Variants in CEP85L observed in about 807,000 individuals in gnomAD.
The protein encoded by CEP85L is centrosomal protein of 85 kDa-like.
CEP85L carries 60 observed loss-of-function variants against 100.3 expected under a neutral mutation model. That is an observed-to-expected ratio of 0.60 (90% CI 0.49 to 0.74). The LOEUF is 0.74. Among genes scored for constraint, CEP85L ranks in the 30% least tolerant of loss-of-function variants. The pLI, the probability that CEP85L is intolerant of heterozygous loss-of-function variation, is 0.00. For missense variants in CEP85L, 973 were observed against 936.2 expected (o/e 1.04, Z -0.51); for synonymous variants, 319 against 322.7 (o/e 0.99, Z 0.12).
chr6:118,610,183 T>C (rs903655528), intron 2 of CEP85L, among the ~76,000 whole-genome samples: 1 of 152,176 alleles, frequency 6.6e-6, no homozygotes, highest in African/African-American at 2.4e-5. Context: ...TTCAAGGTTG[T>C]ACAGATAACT....
At chr6:118,584,610 G>C (rs1780753370) in intron 2 of CEP85L, among the ~76,000 whole-genome samples, 1 of 152,192 alleles carries the variant, frequency 6.6e-6, no homozygotes, top group Admixed American at 6.5e-5. Context: ...AGAAGGGAAT[G>C]GCCCTGGGAG....
intron 4 of CEP85L, among the ~76,000 whole-genome samples, chr6:118,515,792 C>G (rs1214115618): frequency 1.3e-5 from 2 of 152,132 alleles, no homozygotes; most frequent in Non-Finnish European, 2.9e-5. Context: ...CTCTGGGGTA[C>G]ATGTGCAGAA....
chr6:118,475,855 C>T (rs1053549166), intron 10 of CEP85L, among the ~76,000 whole-genome samples: 1 of 152,050 alleles, frequency 6.6e-6, no homozygotes, highest in African/African-American at 2.4e-5. Context: ...GTCCACTGAG[C>T]GTGCTGAGGA....
Position 118,523,797 on chromosome 6 carries a change from C to A in CEP85L, c.1139+5G>T. On this transcript the variant is annotated splice_donor_5th_base_variant and intron_variant, in intron 4 of 12. Transcript: ENST00000368491. Reference sequence around the variant, plus strand: ...GAAATATTTAATAATTTAAAATAGACTCACCGATCGATTACAATTTCTTTC... The same window carrying A: ...GAAATATTTAATAATTTAAAATAGAATCACCGATCGATTACAATTTCTTTC... The A allele has an allele frequency of 7.5e-7, 1 of 1,331,280 alleles. No individual in the cohort carries two copies. The allele number at this position is 1,331,280 out of a possible 1,614,324, so 82.5% of individuals were successfully genotyped here. A position where few individuals can be genotyped will look rare whatever the true frequency, so the allele number is the denominator to read the frequency against.
In CEP85L at chr6:118,687,042, C is replaced by T. The variant is rs1021945201; in HGVS notation, c.-28+22994G>A. On this transcript the variant is annotated intron_variant, in intron 1 of 13. Transcript: ENST00000368488. ...CACTCATATTGATCTTGTTGCTCCT[C>T]AAATATAAAAGCTTATTCTGACCTC... 2.6e-5 allele frequency among the ~76,000 whole-genome samples: 4 copies of T among 152,128 alleles called. No homozygotes were observed. In the South Asian group the frequency reaches 8.3e-4, roughly 32 times the overall value.
intron 3 of CEP85L, among the ~76,000 whole-genome samples, chr6:118,557,787 C>T (rs569904265): frequency 2.0e-4 from 30 of 152,206 alleles, no homozygotes; most frequent in African/African-American, 4.8e-4. Flanking sequence ...TGACAATAAA[C>T]GCTATGGCAC....
chr6:118,677,894 A>T (rs964104311), intron 1 of CEP85L, among the ~76,000 whole-genome samples: 3 of 152,194 alleles, frequency 2.0e-5, no homozygotes, highest in Admixed American at 6.5e-5. Flanking sequence ...TTTAGGTTAT[A>T]AATGTTTCTT....
chr6:118,511,429 A>G lies in CEP85L; in HGVS notation c.1140-14T>C. On this transcript the variant is annotated splice_polypyrimidine_tract_variant and intron_variant, in intron 4 of 12. Transcript: ENST00000368491. ...TGTTGCTTCTGCCTGCAAAACATAA[A>G]TTAAGGTCACATTATGAGTTATAAT... 6.6e-7 allele frequency: 1 copy of G among 1,508,352 alleles called. No individual in the cohort carries two copies. The highest frequency in any genetic ancestry group is 2.3e-5 in the East Asian group (1 of 44,262). The allele number at this position is 1,508,352 out of a possible 1,614,324, so 93.4% of individuals were successfully genotyped here.
At chr6:118,491,226 CACACACACACACAT>C (rs1182191493) in intron 6 of CEP85L, among the ~76,000 whole-genome samples, 17 of 149,666 alleles carry the variant, frequency 1.1e-4, no homozygotes, top group South Asian at 2.1e-4. Flanking sequence ...CACACACACA[CACACACACACACAT>C]ATGCATGCAT....
At chr6:118,709,532 C>CGTGT (rs1209782027) in intron 1 of CEP85L, among the ~76,000 whole-genome samples, 41 of 87,212 alleles carry the variant, frequency 4.7e-4, no homozygotes, top group South Asian at 2.5e-3. Flanking sequence ...CAACAATTGG[C>CGTGT]GTGTGTGTGT....
intron 3 of CEP85L, among the ~76,000 whole-genome samples, chr6:118,547,267 A>T (rs1778262849): frequency 1.3e-5 from 2 of 152,124 alleles, no homozygotes; most frequent in Admixed American, 1.3e-4. Flanking sequence ...CAAAAAAATT[A>T]TTTCCCCAGT....
intron 7 of CEP85L, among the ~76,000 whole-genome samples, chr6:118,482,800 T>TTTAA (rs1430458851): frequency 3.9e-5 from 6 of 152,204 alleles, no homozygotes; most frequent in African/African-American, 1.4e-4. Flanking sequence ...CCTGCCTGAC[T>TTTAA]TTAATCTCTC....
upstream of CEP85L, chr6:118,652,900 T>G: frequency 1.7e-6 from 1 of 575,660 alleles, no homozygotes; most frequent in Non-Finnish European, 3.0e-6. Context: ...TATCTAACAC[T>G]TGAAGAGGAT....
intron 1 of CEP85L, among the ~76,000 whole-genome samples, chr6:118,642,786 G>A (rs1353035813): frequency 6.6e-6 from 1 of 152,046 alleles, no homozygotes; most frequent in East Asian, 1.9e-4. Flanking sequence ...AGTCCAGCAT[G>A]GTGGTGCACA....
chr6:118,557,732 T>C (rs894287648), intron 3 of CEP85L, among the ~76,000 whole-genome samples: 1 of 152,114 alleles, frequency 6.6e-6, no homozygotes, highest in Non-Finnish European at 1.5e-5. Flanking sequence ...TACAAATTAT[T>C]ATCGAATAAA....
intron 1 of CEP85L, among the ~76,000 whole-genome samples, chr6:118,696,505 A>G (rs1777216230): frequency 6.6e-6 from 1 of 152,190 alleles, no homozygotes; most frequent in Admixed American, 6.5e-5. Flanking sequence ...GACAGCCAGC[A>G]TTGGTGATGA....
chr6:118,637,761 C>A (rs1774604854), intron 1 of CEP85L, among the ~76,000 whole-genome samples: 1 of 131,330 alleles, frequency 7.6e-6, no homozygotes. Context: ...AAGGCAAACA[C>A]TAAAAATATT....
chr6:118,502,217 G>C, intron 5 of CEP85L: 1 of 711,934 alleles, frequency 1.4e-6, no homozygotes, highest in East Asian at 2.6e-5. Context: ...TATGGACCCT[G>C]GAGTTCTTAT....
intron 2 of CEP85L, among the ~76,000 whole-genome samples, chr6:118,572,590 T>C (rs1779968551): frequency 6.6e-6 from 1 of 151,386 alleles, no homozygotes; most frequent in Non-Finnish European, 1.5e-5. Flanking sequence ...AATAAACAAA[T>C]AAATAAATAT....
Sources: allele counts gnomAD v4.1 joint callset (sites outside exome capture counted in the v4.1 genomes callset), GRCh38; gene constraint gnomAD v4.1.1; transcripts MANE v1.5; gene names NCBI Gene and HGNC (gene_info 2026-07-23, HGNC 2026-07-21).